SDK1: variants seen among roughly 807,000 people sequenced by gnomAD.
The protein encoded by SDK1 is protein sidekick-1.
Under a neutral mutation model 245.5 loss-of-function variants are expected in SDK1, and 157 were observed. That is an observed-to-expected ratio of 0.64 (90% CI 0.56 to 0.73). The LOEUF (loss-of-function observed/expected upper bound fraction) is 0.73. Ranked by LOEUF, SDK1 falls within the 30% of genes least tolerant of loss-of-function variation. SDK1 has a pLI of 0.00. For synonymous variants in SDK1, 1,647 were observed against 1,278.5 expected (o/e 1.29, Z -6.15); for missense variants, 3,583 against 3,002.3 (o/e 1.19, Z -4.52).
intron 41 of SDK1, among the ~76,000 whole-genome samples, chr7:4,236,265 C>T (rs1426230596): frequency 6.6e-6 from 1 of 152,202 alleles, no homozygotes; most frequent in Non-Finnish European, 1.5e-5. Context: ...ACTCCCCTTC[C>T]AGGCCCATGG....
chr7:4,189,647 CGAAACCAGCCTGGT>C (rs1783078998), intron 35 of SDK1, among the ~76,000 whole-genome samples: 1 of 152,106 alleles, frequency 6.6e-6, no homozygotes, highest in South Asian at 2.1e-4. Flanking sequence ...GTCAGGAGTT[CGAAACCAGCCTGGT>C]GAAACCCCAT....
At chr7:3,961,638 G>A (rs1047174057) in intron 8 of SDK1, among the ~76,000 whole-genome samples, 1 of 152,080 alleles carries the variant, frequency 6.6e-6, no homozygotes, top group Admixed American at 6.5e-5. Context: ...CCTTAACAAG[G>A]TTACTTAACC....
chr7:3,390,321 AG>A lies in SDK1; in HGVS notation c.298+88438del, dbSNP rs556057383. 2.0e-5 allele frequency among the ~76,000 whole-genome samples: 3 copies of A among 152,210 alleles called. No individual in the cohort carries two copies. In the South Asian group the frequency reaches 6.2e-4, roughly 32 times the overall value. ...AGAATGTCAAATATATCTCTATAAA[AG>A]AGTTTAGCTTTGCTCATCAGCCTTT... On this transcript the variant is annotated intron_variant, in intron 1 of 44. Transcript: ENST00000404826.
At chr7:3,552,125 A>G (rs1387356954) in intron 1 of SDK1, among the ~76,000 whole-genome samples, 1 of 150,944 alleles carries the variant, frequency 6.6e-6, no homozygotes, top group African/African-American at 2.4e-5. Context: ...TGCAAGCTCC[A>G]CCTCCCGGGT....
chr7:4,008,209 G>A (rs1263997968), intron 14 of SDK1, among the ~76,000 whole-genome samples: 1 of 152,200 alleles, frequency 6.6e-6, no homozygotes, highest in Non-Finnish European at 1.5e-5. Context: ...GTTCCGCCAT[G>A]TGTCCTAATT....
chr7:3,816,390 A>G (rs375550834), intron 4 of SDK1, among the ~76,000 whole-genome samples: 1,490 of 148,126 alleles, frequency 0.01, 27 homozygotes, highest in African/African-American at 0.035. Flanking sequence ...TCAAATAGAC[A>G]CAATAAAAAA....
rs116407373 is a variant in SDK1 at position 4,253,632 on chromosome 7, A to C, written c.6381+7827A>C. On this transcript the variant is annotated intron_variant, in intron 44 of 44. Coordinates refer to ENST00000404826, the MANE Select transcript of SDK1 (RefSeq NM_152744.4). ...GCTGTTTTGGGGTGGAGTGTTCTGT[A>C]TGTGTCTGTAGGTCTAGCTGATTTA... is the stretch of plus-strand genomic sequence containing the variant. Among the ~76,000 whole-genome samples, 463 of 152,214 alleles carry C rather than the reference A, an allele frequency of 3.0e-3. 4 individuals carry two copies. The highest frequency in any genetic ancestry group is 0.011 in the African/African-American group (443 of 41,540).
chr7:3,958,849 G>A (rs1294107023), intron 7 of SDK1, 82 bp from the exon 8 acceptor site: 2 of 1,056,128 alleles, frequency 1.9e-6, no homozygotes, highest in Non-Finnish European at 2.9e-6. Flanking sequence ...TTTTTAAGAG[G>A]AGCCCACACT....
intron 1 of SDK1, among the ~76,000 whole-genome samples, chr7:3,588,760 T>C (rs1230009902): frequency 1.3e-5 from 2 of 152,174 alleles, no homozygotes; most frequent in Admixed American, 6.5e-5. Flanking sequence ...AATAAAATAG[T>C]TTATTATATG....
At chr7:3,416,702 C>T (rs570842486) in intron 1 of SDK1, among the ~76,000 whole-genome samples, 2 of 152,200 alleles carry the variant, frequency 1.3e-5, no homozygotes, top group African/African-American at 2.4e-5. Flanking sequence ...CATAGGAAGC[C>T]CTGCTGACGT....
chr7:4,248,501 C>T (rs1272360508), intron 44 of SDK1, among the ~76,000 whole-genome samples: 1 of 151,236 alleles, frequency 6.6e-6, no homozygotes, highest in Non-Finnish European at 1.5e-5. Flanking sequence ...CATATACACA[C>T]CTAAATACAC....
chr7:4,045,737 G>A (rs532615227), intron 17 of SDK1, among the ~76,000 whole-genome samples: 1 of 152,268 alleles, frequency 6.6e-6, no homozygotes, highest in Non-Finnish European at 1.5e-5. Context: ...TCACGGACAT[G>A]GGTTGTTATT....
At chr7:3,370,698 C>T (rs1053628999) in intron 1 of SDK1, among the ~76,000 whole-genome samples, 1 of 152,298 alleles carries the variant, frequency 6.6e-6, no homozygotes, top group Admixed American at 6.5e-5. Flanking sequence ...TGCGAATGGT[C>T]TTGGACTATA....
chr7:3,779,598 A>C (rs1319414130), intron 4 of SDK1, among the ~76,000 whole-genome samples: 1 of 152,210 alleles, frequency 6.6e-6, no homozygotes, highest in Non-Finnish European at 1.5e-5. Flanking sequence ...ATTTAAAATA[A>C]GAATCTGCAA....
intron 1 of SDK1, among the ~76,000 whole-genome samples, chr7:3,395,576 C>T (rs1781876288): frequency 1.3e-5 from 2 of 151,874 alleles, no homozygotes; most frequent in Non-Finnish European, 2.9e-5. Context: ...AATATTATTT[C>T]CTCCTTCAGT....
chr7:3,332,756 C>G (rs1055936554), intron 1 of SDK1, among the ~76,000 whole-genome samples: 2 of 152,154 alleles, frequency 1.3e-5, no homozygotes, highest in Admixed American at 1.3e-4. Flanking sequence ...TAAGGTGCTT[C>G]TAGTTCCAGA....
intron 1 of SDK1, among the ~76,000 whole-genome samples, chr7:3,579,059 T>G (rs1240543781): frequency 6.6e-6 from 1 of 151,980 alleles, no homozygotes; most frequent in African/African-American, 2.4e-5. Flanking sequence ...AGCTGGTCCC[T>G]CCATTTGGTG....
chr7:3,720,864 A>G (rs941398101), intron 4 of SDK1, among the ~76,000 whole-genome samples: 2 of 152,234 alleles, frequency 1.3e-5, no homozygotes, highest in African/African-American at 2.4e-5. Flanking sequence ...GCAATAGACA[A>G]ATATTTAAAA....
intron 4 of SDK1, among the ~76,000 whole-genome samples, chr7:3,786,494 TGA>T (rs548004160): frequency 1.3e-5 from 2 of 152,196 alleles, no homozygotes; most frequent in Non-Finnish European, 2.9e-5. Context: ...AAACAAATAA[TGA>T]GAGAGAAGGT....
Sources: allele counts gnomAD v4.1 joint callset (sites outside exome capture counted in the v4.1 genomes callset), GRCh38; gene constraint gnomAD v4.1.1; transcripts MANE v1.5; gene names NCBI Gene and HGNC (gene_info 2026-07-23, HGNC 2026-07-21).